The following FRMD3 variants were observed in gnomAD, a reference collection of about 807,000 sequenced individuals.
The protein encoded by FRMD3 is FERM domain-containing protein 3.
FRMD3 carries 33 observed loss-of-function variants against 70.2 expected under a neutral mutation model. That is an observed-to-expected ratio of 0.47 (90% confidence interval 0.36 to 0.63). The LOEUF (loss-of-function observed/expected upper bound fraction) is 0.63. Among genes scored for constraint, FRMD3 ranks in the 20% least tolerant of loss-of-function variants. The pLI is 0.00. For missense variants in FRMD3, 632 were observed against 711.4 expected, an observed-to-expected ratio of 0.89 and a Z score of 1.27; for synonymous variants, 279 against 255.9, an observed-to-expected ratio of 1.09 and a Z score of -0.86.
chr9:83,433,853 C>A (rs1314278540), intron 1 of FRMD3, among the ~76,000 whole-genome samples: 2 of 152,194 alleles, frequency 1.3e-5, no homozygotes, highest in African/African-American at 4.8e-5. Flanking sequence ...TGGGGAGTGG[C>A]TGTAAATACA....
At chr9:83,450,358 T>TG (rs1454734085) in intron 1 of FRMD3, among the ~76,000 whole-genome samples, 7 of 140,896 alleles carry the variant, frequency 5.0e-5, no homozygotes, top group Admixed American at 2.8e-4. Flanking sequence ...TTTTTTTTTT[T>TG]TTTTTTTTTT....
the FRMD3 span, among the ~76,000 whole-genome samples, chr9:83,584,079 T>TACCAA: frequency 6.6e-6 from 1 of 152,194 alleles, no homozygotes. Flanking sequence ...CTCATGCCTG[T>TACCAA]AATCCCAGCA....
At position 83,537,764 on chromosome 9, in the gene FRMD3, G is replaced by A. The variant is rs73468292; in HGVS notation, c.147+321C>T. Among the ~76,000 whole-genome samples the A allele has an allele frequency of 6.6e-6, 1 of 152,168 alleles. No homozygotes were observed. The highest frequency in any genetic ancestry group is 1.5e-5 in the Non-Finnish European group (1 of 68,026). ...GAGCTCCCATCTCCTGGCGGAGTAG[G>A]GCCCAGAGGGGCCAGAGTCCCTCCG... On this transcript the variant is annotated intron_variant, in intron 1 of 13. Transcript: ENST00000304195. This position sits in a 1 kb window ranked among gnomAD's most constrained non-coding sequence, Gnocchi z 4.1.
At position 83,471,596 on chromosome 9, in the gene FRMD3, A is replaced by T. The variant is rs1828270862; in HGVS notation, c.147+66489T>A. On this transcript the variant is annotated intron_variant, in intron 1 of 13. Transcript: ENST00000304195. ...TGCTCCACACAAAGGAAGAGAGAGCATCAGGAAGAACAGGGACTCATCCTC... is the reference window on the plus strand; with the variant it reads ...TGCTCCACACAAAGGAAGAGAGAGCTTCAGGAAGAACAGGGACTCATCCTC... 2.0e-5 allele frequency among the ~76,000 whole-genome samples: 3 copies of T among 152,318 alleles called. No homozygotes were observed. The South Asian group carries it at 6.2e-4, about 32-fold the overall frequency.
intron 3 of FRMD3, among the ~76,000 whole-genome samples, chr9:83,372,384 A>G (rs1476219163): frequency 5.4e-5 from 8 of 149,120 alleles, no homozygotes; most frequent in South Asian, 4.2e-4. Context: ...AAAAAAAAAA[A>G]AAGAAGTTCA....
intron 3 of FRMD3, among the ~76,000 whole-genome samples, chr9:83,372,469 A>T (rs1825007965): frequency 6.6e-6 from 1 of 152,150 alleles, no homozygotes; most frequent in Admixed American, 6.5e-5. Flanking sequence ...GGAATGGAAA[A>T]TAATGATACA....
chr9:83,324,054 G>A (rs1835916355), intron 6 of FRMD3, among the ~76,000 whole-genome samples: 1 of 152,168 alleles, frequency 6.6e-6, no homozygotes, highest in African/African-American at 2.4e-5. Context: ...TTCATCAACA[G>A]GAGAATGGAT....
chr9:83,460,750 C>T (rs1827946203), intron 1 of FRMD3, among the ~76,000 whole-genome samples: 1 of 152,094 alleles, frequency 6.6e-6, no homozygotes, highest in South Asian at 2.1e-4. Context: ...TCTGTTTTTC[C>T]CTTGCCCTTC....
intron 1 of FRMD3, among the ~76,000 whole-genome samples, chr9:83,446,517 G>T (rs538295458): frequency 1.3e-5 from 2 of 151,998 alleles, no homozygotes; most frequent in South Asian, 4.2e-4. Flanking sequence ...CGCGGTGGCG[G>T]GCGCCTGTAG....
intron 6 of FRMD3, among the ~76,000 whole-genome samples, chr9:83,320,475 C>A (rs1435337808): frequency 1.3e-5 from 2 of 151,964 alleles, no homozygotes; most frequent in Non-Finnish European, 2.9e-5. Context: ...GTATATTGAA[C>A]AATCATTGCA....
chr9:83,350,349 C>T (rs904871693), intron 3 of FRMD3, among the ~76,000 whole-genome samples: 1 of 151,922 alleles, frequency 6.6e-6, no homozygotes, highest in African/African-American at 2.4e-5. Flanking sequence ...GCCGGCTGGT[C>T]GTGGTGTCTC....
At chr9:83,554,109 TA>T in the FRMD3 span, among the ~76,000 whole-genome samples, 1 of 152,204 alleles carries the variant, frequency 6.6e-6, no homozygotes, top group Non-Finnish European at 1.5e-5. Flanking sequence ...TCTAGTTTCA[TA>T]GGGGGGTATA....
intron 1 of FRMD3, among the ~76,000 whole-genome samples, chr9:83,419,449 AGT>A (rs60945722): frequency 0.035 from 5,251 of 147,964 alleles, 289 homozygotes; most frequent in African/African-American, 0.12. Context: ...GCTGTGAGAG[AGT>A]GTGTGTGTGT....
intron 12 of FRMD3, chr9:83,297,424 G>T (rs1257423246): frequency 1.0e-5 from 2 of 199,580 alleles, no homozygotes; most frequent in African/African-American, 4.7e-5. Context: ...ATCAAAAAAA[G>T]TCAGGACCTT....
chr9:83,300,920 T>C (rs1834898754), intron 10 of FRMD3, among the ~76,000 whole-genome samples: 1 of 152,096 alleles, frequency 6.6e-6, no homozygotes, highest in Non-Finnish European at 1.5e-5. Flanking sequence ...GAGAGAACAA[T>C]GGAAAGCCAT....
At chr9:83,484,294 T>C (rs1056072975) in intron 1 of FRMD3, among the ~76,000 whole-genome samples, 1 of 152,232 alleles carries the variant, frequency 6.6e-6, no homozygotes, top group Non-Finnish European at 1.5e-5. Context: ...ATACAACATA[T>C]GTACTAGAAT....
intron 2 of FRMD3, among the ~76,000 whole-genome samples, chr9:83,374,039 T>C (rs1381772081): frequency 2.0e-5 from 3 of 152,176 alleles, no homozygotes; most frequent in Non-Finnish European, 4.4e-5. Flanking sequence ...TGCTATCTTA[T>C]GTAGTCCTCC....
intron 10 of FRMD3, among the ~76,000 whole-genome samples, chr9:83,306,729 G>A (rs1024104677): frequency 1.3e-5 from 2 of 152,044 alleles, no homozygotes; most frequent in Admixed American, 6.5e-5. Context: ...AAAAAAAGCA[G>A]AAAAAGTTCC....
chr9:83,395,012 A>C (rs1205042586), intron 1 of FRMD3, among the ~76,000 whole-genome samples: 2 of 152,188 alleles, frequency 1.3e-5, no homozygotes, highest in Non-Finnish European at 2.9e-5. Flanking sequence ...CCTATTATGC[A>C]CCAGGCATTG....
Sources: gnomAD v4.1 joint callset for allele counts (sites outside exome capture counted in the v4.1 genomes callset) on GRCh38, gnomAD v4.1.1 for gene constraint, Gnocchi (gnomAD v3.1) non-coding constraint, MANE v1.5 for transcripts, NCBI Gene and HGNC (gene_info 2026-07-23, HGNC 2026-07-21) for gene names.